Variants in KCNMA1 observed in about 807,000 individuals in gnomAD.
KCNMA1 encodes the protein potassium calcium-activated channel subfamily M alpha 1, also known as Calcium-activated potassium channel subunit alpha-1.
A neutral mutation model predicts 140.0 loss-of-function variants in KCNMA1; 29 were observed. The observed-to-expected ratio is 0.21, with a 90% CI of 0.15 to 0.28. The LOEUF (loss-of-function observed/expected upper bound fraction) is 0.28, where lower values mean the gene tolerates loss of function less well. Ranked by LOEUF, KCNMA1 falls within the 10% of genes least tolerant of loss-of-function variation. The probability of loss-of-function intolerance (pLI) is 1.00; values close to 1 mark genes in which losing one functional copy is unlikely to be tolerated. For synonymous variants in KCNMA1, 612 were observed against 611.9 expected, an observed-to-expected ratio of 1.00 and a Z score of 0.00; for missense variants, 880 against 1,602.2, an observed-to-expected ratio of 0.55 and a Z score of 7.70.
intron 2 of KCNMA1, among the ~76,000 whole-genome samples, chr10:77,289,614 A>C (rs2154307636): frequency 6.6e-6 from 1 of 152,370 alleles, no homozygotes; most frequent in South Asian, 2.1e-4. Flanking sequence ...ATATTTGCTT[A>C]AATGAAATAA....
chr10:76,874,061 CA>C (rs35698004), downstream of KCNMA1: 47,843 of 141,206 alleles, frequency 0.34, 8,414 homozygotes, highest in Non-Finnish European at 0.42. Context: ...GGCCTTGAAC[CA>C]AAAAAAAAAC....
At chr10:77,321,635 T>C (rs2082351395) in intron 2 of KCNMA1, among the ~76,000 whole-genome samples, 1 of 152,242 alleles carries the variant, frequency 6.6e-6, no homozygotes, top group Non-Finnish European at 1.5e-5. Context: ...TCGAAGAACA[T>C]GTCCACACCA....
intron 1 of KCNMA1, among the ~76,000 whole-genome samples, chr10:77,412,459 G>A (rs1018898533): frequency 2.0e-5 from 3 of 152,306 alleles, no homozygotes; most frequent in Admixed American, 2.0e-4. Context: ...ATGCAGAAGG[G>A]CTCCTTCTCT....
At chr10:77,491,491 C>T (rs1486600279) in intron 1 of KCNMA1, among the ~76,000 whole-genome samples, 2 of 152,178 alleles carry the variant, frequency 1.3e-5, no homozygotes, top group Admixed American at 6.5e-5. Context: ...AATGAGGCCA[C>T]CCCGCCCTCC....
At position 77,147,270 on chromosome 10, in the gene KCNMA1, C is replaced by G. The variant is rs1196843107; in HGVS notation, c.809-26222G>C. Among the ~76,000 whole-genome samples, 3 of 152,220 alleles carry G rather than the reference C, an allele frequency of 2.0e-5. No homozygotes were observed. In the East Asian group the frequency reaches 5.8e-4, roughly 29 times the overall value. ...TGTCTGCAGGTCTCTTCTTCACGCA[C>G]TTACTCTTATTAAGTTTGGGAACTA... On this transcript the variant is annotated intron_variant, in intron 5 of 27. Transcript: ENST00000286628.
At chr10:77,330,995 G>A (rs1378028688) in intron 2 of KCNMA1, among the ~76,000 whole-genome samples, 1 of 152,016 alleles carries the variant, frequency 6.6e-6, no homozygotes, top group African/African-American at 2.4e-5. Context: ...CTATGGTTAG[G>A]GGAGCCCCAT....
At chr10:77,206,642 C>T (rs542771432) in intron 3 of KCNMA1, among the ~76,000 whole-genome samples, 41 of 152,212 alleles carry the variant, frequency 2.7e-4, no homozygotes, top group Admixed American at 6.6e-4. Context: ...AAGTTTTTGG[C>T]CATCTCCACT....
At chr10:77,515,490 C>T (rs1796128845) in intron 1 of KCNMA1, among the ~76,000 whole-genome samples, 1 of 152,166 alleles carries the variant, frequency 6.6e-6, no homozygotes, top group African/African-American at 2.4e-5. Context: ...GGAGCACGTT[C>T]AGAGGTCGCT....
chr10:77,028,291 A>G (rs1204966462), intron 15 of KCNMA1, among the ~76,000 whole-genome samples: 1 of 152,112 alleles, frequency 6.6e-6, no homozygotes, highest in Non-Finnish European at 1.5e-5. Context: ...GGTCTTTTGT[A>G]CAAATGGCTC....
chr10:76,945,623 A>G (rs1019380654), intron 22 of KCNMA1, among the ~76,000 whole-genome samples: 1 of 152,216 alleles, frequency 6.6e-6, no homozygotes, highest in African/African-American at 2.4e-5. Flanking sequence ...AAATGACCTA[A>G]TTGTCCAACA....
chr10:77,404,082 T>C, intron 1 of KCNMA1, 59 bp from the exon 2 acceptor site: 1 of 1,573,754 alleles, frequency 6.4e-7, no homozygotes, highest in East Asian at 2.2e-5. Flanking sequence ...AATAACATGC[T>C]CTACCCATAA....
intron 1 of KCNMA1, among the ~76,000 whole-genome samples, chr10:77,567,722 AG>A (rs1361889039): frequency 3.3e-5 from 5 of 152,234 alleles, no homozygotes; most frequent in African/African-American, 1.2e-4. Context: ...TGAAACACTC[AG>A]GTCTGAGCTA....
At chr10:77,039,378 T>C in intron 15 of KCNMA1, 150 bp downstream of exon 15, 1 of 694,294 alleles carries the variant, frequency 1.4e-6, no homozygotes, top group Non-Finnish European at 2.7e-6. Context: ...TGACCCACCC[T>C]CCTATTCATC....
At chr10:77,190,985 T>C (rs553645883) in intron 3 of KCNMA1, among the ~76,000 whole-genome samples, 1 of 152,270 alleles carries the variant, frequency 6.6e-6, no homozygotes, top group East Asian at 1.9e-4. Flanking sequence ...AACTAGATGA[T>C]TAATAAGCTT....
intron 1 of KCNMA1, among the ~76,000 whole-genome samples, chr10:77,420,957 G>A (rs1202026195): frequency 6.6e-6 from 1 of 152,180 alleles, no homozygotes; most frequent in African/African-American, 2.4e-5. Flanking sequence ...ATACCACAAG[G>A]TTTCTATCAG....
intron 2 of KCNMA1, among the ~76,000 whole-genome samples, chr10:77,311,949 AG>A (rs2079425827): frequency 6.6e-6 from 1 of 152,242 alleles, no homozygotes; most frequent in African/African-American, 2.4e-5. Flanking sequence ...CCAACATGAC[AG>A]GTGAGCCAGA....
intron 1 of KCNMA1, among the ~76,000 whole-genome samples, chr10:77,440,122 C>G (rs1458729662): frequency 6.6e-6 from 1 of 152,158 alleles, no homozygotes; most frequent in African/African-American, 2.4e-5. Flanking sequence ...TGGGTCAGAG[C>G]TTTACAAATG....
At chr10:76,912,000 T>G (rs1000640052) in intron 24 of KCNMA1, 1 of 152,084 alleles carries the variant, frequency 6.6e-6, no homozygotes, top group Non-Finnish European at 1.5e-5. Flanking sequence ...TGACTCCAAG[T>G]AGGGGGAGGG....
At chr10:76,931,144 C>T (rs547828284) in intron 23 of KCNMA1, among the ~76,000 whole-genome samples, 2 of 152,120 alleles carry the variant, frequency 1.3e-5, no homozygotes, top group Non-Finnish European at 1.5e-5. Flanking sequence ...CTTAAGTGTC[C>T]TCATGACACA....
Sources: gnomAD v4.1 joint callset for allele counts (sites outside exome capture counted in the v4.1 genomes callset) on GRCh38, gnomAD v4.1.1 for gene constraint, MANE v1.5 for transcripts, NCBI Gene and HGNC (gene_info 2026-07-23, HGNC 2026-07-21) for gene names.